Variants in SIN3A observed in about 807,000 individuals in gnomAD.
SIN3A encodes the protein SIN3 transcription regulator family member A.
A neutral mutation model predicts 146.1 loss-of-function variants in SIN3A; 14 were observed. The ratio of observed to expected loss-of-function variants is 0.10; its 90% CI spans 0.06 to 0.15. SIN3A has a LOEUF of 0.15. SIN3A is among the 10% of genes least tolerant of loss of function. The pLI is 1.00. For synonymous variants in SIN3A, 572 were observed against 572.0 expected (o/e 1.00, Z 0.00); for missense variants, 1,028 against 1,576.0 (o/e 0.65, Z 5.89).
chr15:75,372,290 C>G, intron 20 of SIN3A, 81 bp from the exon 21 acceptor site: 2 of 891,282 alleles, frequency 2.2e-6, no homozygotes, highest in South Asian at 1.9e-5. Flanking sequence ...TAATTTTCTT[C>G]TAAAGGAGCA....
At position 75,396,612 on chromosome 15, in the gene SIN3A, C is replaced by G; in HGVS notation, c.1855-116G>C. 5.6e-6 allele frequency: 4 copies of G among 713,144 alleles called. No homozygotes were observed. In the South Asian group the frequency reaches 7.2e-5, roughly 13 times the overall value. The allele number at this position is 713,144 out of a possible 1,614,324, so 44.2% of individuals were successfully genotyped here. A position where few individuals can be genotyped will look rare whatever the true frequency, so the allele number is the denominator to read the frequency against. The stretch of plus-strand genomic sequence containing the variant: ...CCTTGGATTTGAATCCTGGTTCTGC[C>G]CTACTAGCTACATAAGACTGTTTCT... On this transcript the variant is annotated intron_variant, in intron 12 of 20. Coordinates refer to ENST00000394947, the MANE Select transcript of SIN3A (RefSeq NM_001145358.2).
At chr15:75,446,885 C>T (rs1329635000) in intron 1 of SIN3A, among the ~76,000 whole-genome samples, 1 of 152,192 alleles carries the variant, frequency 6.6e-6, no homozygotes, top group Non-Finnish European at 1.5e-5. Context: ...CATTCTCCTG[C>T]CTCAACCTCC....
chr15:75,380,816 C>T (rs545886476), intron 18 of SIN3A, 93 bp from the exon 19 acceptor site: 15 of 825,684 alleles, frequency 1.8e-5, no homozygotes, highest in Admixed American at 7.6e-5. Flanking sequence ...GATTACAATG[C>T]CCCGAATTCA....
chr15:75,402,955 T>G (rs974604265), intron 9 of SIN3A, among the ~76,000 whole-genome samples: 1 of 152,116 alleles, frequency 6.6e-6, no homozygotes, highest in Admixed American at 6.5e-5. Flanking sequence ...GAGTCATTTT[T>G]AAAAGAAACT....
chr15:75,433,953 G>T (rs538292398), intron 1 of SIN3A, among the ~76,000 whole-genome samples: 2 of 152,182 alleles, frequency 1.3e-5, no homozygotes, highest in African/African-American at 4.8e-5. Context: ...TATAAGCAAG[G>T]TGTTCTCTAA....
chr15:75,438,504 T>C (rs1161752730), intron 1 of SIN3A, among the ~76,000 whole-genome samples: 1 of 152,000 alleles, frequency 6.6e-6, no homozygotes, highest in African/African-American at 2.4e-5. Context: ...GGCAACAAAG[T>C]GAGACACCGT....
chr15:75,411,354 C>T, intron 6 of SIN3A, 138 bp downstream of exon 6: 1 of 988,440 alleles, frequency 1.0e-6, no homozygotes, highest in Non-Finnish European at 1.5e-6. Context: ...AACAAACTGG[C>T]TTTAAAAACA....
At chr15:75,411,817 G>T in intron 5 of SIN3A, 74 bp from the exon 6 acceptor site, 1 of 1,454,534 alleles carries the variant, frequency 6.9e-7, no homozygotes, top group Non-Finnish European at 9.3e-7. Flanking sequence ...AAACTAAAGA[G>T]AAACAAGGTG....
At chr15:75,381,454 A>C (rs1001706629) in intron 18 of SIN3A, among the ~76,000 whole-genome samples, 159 bp downstream of exon 18, 2 of 152,214 alleles carry the variant, frequency 1.3e-5, no homozygotes, top group Admixed American at 1.3e-4. Flanking sequence ...TCTTCAGCTG[A>C]AGACATGGCT....
At chr15:75,425,166 TCTTA>T (rs1390544149) in intron 2 of SIN3A, among the ~76,000 whole-genome samples, 2 of 152,156 alleles carry the variant, frequency 1.3e-5, no homozygotes, top group Admixed American at 1.3e-4. Context: ...TAAAGATGAC[TCTTA>T]CTTTGTTTCT....
chr15:75,398,799 C>G (rs1282511888), intron 12 of SIN3A, among the ~76,000 whole-genome samples: 1 of 151,824 alleles, frequency 6.6e-6, no homozygotes, highest in African/African-American at 2.4e-5. Context: ...CGCTTGGACC[C>G]AAGAGTTTGA....
rs1192774233 is a variant in SIN3A, at chr15:75,392,796, T to A, written c.2297A>T (p.Glu766Val). 1 of 1,610,762 alleles carries A rather than the reference T, an allele frequency of 6.2e-7. No individual in the cohort carries two copies. The highest frequency in any genetic ancestry group is 1.1e-5 in the South Asian group (1 of 90,826). Residue 766 changes from glutamate to valine, a missense_variant, in exon 15 of 21, where the codon GAG (glutamate) becomes GTG (valine). Around this residue, in one of 9 missense-constraint regions of SIN3A, gnomAD observed 488 missense variants for 690.2 expected, o/e 0.71. Transcript: ENST00000394947. The part of the protein sequence containing the change: ...IYDERQEQAT[E>V]ENAGVPVGPH... ...GCCAACAGGTACACCAGCATTCTCC[T>A]CCGTAGCCTGCTCTTGCCTCTGATG...
At chr15:75,439,790 T>C (rs1272807853) in intron 1 of SIN3A, among the ~76,000 whole-genome samples, 10 of 152,154 alleles carry the variant, frequency 6.6e-5, no homozygotes, top group Admixed American at 6.6e-4. Context: ...AGGCTTGATC[T>C]GTAAAACTCT....
At chr15:75,372,839 A>C (rs1392230394) in intron 20 of SIN3A, among the ~76,000 whole-genome samples, 2 of 151,104 alleles carry the variant, frequency 1.3e-5, no homozygotes, top group African/African-American at 4.9e-5. Flanking sequence ...AAAAAAAAAA[A>C]ACCCAAAACC....
chr15:75,406,439 G>A (rs1026166259), intron 9 of SIN3A, among the ~76,000 whole-genome samples: 1 of 152,204 alleles, frequency 6.6e-6, no homozygotes, highest in Non-Finnish European at 1.5e-5. Context: ...TGTAATCCCA[G>A]CACTTTGGGA....
chr15:75,439,441 T>C (rs891591893), intron 1 of SIN3A, among the ~76,000 whole-genome samples: 5 of 151,872 alleles, frequency 3.3e-5, no homozygotes, highest in Non-Finnish European at 7.4e-5. Flanking sequence ...CCCAGGTTCA[T>C]GCCATTCTTC....
chr15:75,411,802 A>T, intron 5 of SIN3A, 59 bp from the exon 6 acceptor site: 1 of 1,501,530 alleles, frequency 6.7e-7, no homozygotes, highest in South Asian at 1.4e-5. Context: ...ATACAAGGAA[A>T]GTTCAAACTA....
intron 17 of SIN3A, among the ~76,000 whole-genome samples, chr15:75,382,851 G>A (rs765033260): frequency 1.3e-4 from 20 of 152,142 alleles, no homozygotes; most frequent in Non-Finnish European, 2.2e-4. Context: ...GGGAGGCCAA[G>A]GAGGGCAGAT....
intron 10 of SIN3A, 75 bp downstream of exon 10, chr15:75,401,777 T>A: frequency 1.1e-6 from 1 of 904,078 alleles, no homozygotes; most frequent in East Asian, 2.4e-5. Flanking sequence ...ACTTTGCCTA[T>A]CATATACTCT....
Sources: gnomAD v4.1 joint callset for allele counts (sites outside exome capture counted in the v4.1 genomes callset) on GRCh38, gnomAD v4.1.1 for gene constraint, gnomAD v4.1.1 regional missense constraint, MANE v1.5 for transcripts, NCBI Gene and HGNC (gene_info 2026-07-23, HGNC 2026-07-21) for gene names.